The following PABPC4L variants were observed in gnomAD, a reference collection of about 807,000 sequenced individuals.
PABPC4L encodes the protein poly(A) binding protein cytoplasmic 4 like.
For synonymous variants in PABPC4L, 169 were observed against 164.1 expected (o/e 1.03, Z -0.23); for missense variants, 452 against 451.4 (o/e 1.00, Z -0.01).
the PABPC4L span, among the ~76,000 whole-genome samples, chr4:134,039,304 T>A: frequency 5.9e-5 from 9 of 152,162 alleles, no homozygotes; most frequent in African/African-American, 2.2e-4. Flanking sequence ...ATTCTATTGA[T>A]TCAGGGTGGA....
At chr4:133,949,641 C>G in the PABPC4L span, among the ~76,000 whole-genome samples, 2 of 152,152 alleles carry the variant, frequency 1.3e-5, no homozygotes, top group Non-Finnish European at 2.9e-5. Context: ...TCATTCAGCT[C>G]TTTGCACTCC....
the PABPC4L span, among the ~76,000 whole-genome samples, chr4:133,972,789 A>G: frequency 6.6e-6 from 1 of 152,206 alleles, no homozygotes; most frequent in Admixed American, 6.5e-5. Context: ...CTGCTTACCG[A>G]CATAATAAAT....
the PABPC4L span, among the ~76,000 whole-genome samples, chr4:133,993,556 A>C: frequency 6.6e-6 from 1 of 152,316 alleles, no homozygotes; most frequent in East Asian, 1.9e-4. Flanking sequence ...CATGAGTAAC[A>C]TCTGTTTGCC....
the PABPC4L span, among the ~76,000 whole-genome samples, chr4:134,143,272 T>C: frequency 4.8e-4 from 72 of 150,372 alleles, no homozygotes; most frequent in African/African-American, 1.7e-3. Flanking sequence ...ATAATAAGCA[T>C]ACTAAATATA....
At chr4:134,170,297 G>A in the PABPC4L span, among the ~76,000 whole-genome samples, 1 of 151,908 alleles carries the variant, frequency 6.6e-6, no homozygotes, top group Non-Finnish European at 1.5e-5. Context: ...CCTTTCTCCA[G>A]TCTACTATTC....
At chr4:134,160,156 C>A in the PABPC4L span, among the ~76,000 whole-genome samples, 5 of 151,880 alleles carry the variant, frequency 3.3e-5, no homozygotes, top group East Asian at 7.8e-4. Flanking sequence ...AGGTTTAGTA[C>A]CATGCTGATC....
the PABPC4L span, among the ~76,000 whole-genome samples, chr4:134,100,082 C>A: frequency 4.0e-5 from 6 of 151,594 alleles, no homozygotes; most frequent in African/African-American, 1.2e-4. Flanking sequence ...GCGGCAAACT[C>A]GCTCCTTTCC....
At chr4:134,140,677 A>C in the PABPC4L span, among the ~76,000 whole-genome samples, 403 of 151,984 alleles carry the variant, frequency 2.7e-3, 4 homozygotes, top group Middle Eastern at 0.017. Context: ...GAATATTTTC[A>C]AACCCTGATC....
the PABPC4L span, among the ~76,000 whole-genome samples, chr4:134,089,285 C>G: frequency 4.0e-5 from 6 of 151,792 alleles, no homozygotes; most frequent in African/African-American, 1.5e-4. Context: ...CAATATTGAA[C>G]AGAAGTTACA....
the PABPC4L span, among the ~76,000 whole-genome samples, chr4:134,046,393 C>T: frequency 1.3e-4 from 20 of 152,118 alleles, no homozygotes; most frequent in Non-Finnish European, 2.2e-4. Flanking sequence ...CAGCATATTT[C>T]GCCTCCAGCC....
At chr4:134,113,503 G>C in the PABPC4L span, among the ~76,000 whole-genome samples, 1 of 151,878 alleles carries the variant, frequency 6.6e-6, no homozygotes, top group Non-Finnish European at 1.5e-5. Context: ...AACAATAGCT[G>C]TATTATAGCT....
At chr4:133,958,108 C>T in the PABPC4L span, among the ~76,000 whole-genome samples, 8 of 152,288 alleles carry the variant, frequency 5.3e-5, no homozygotes, top group East Asian at 1.4e-3. Flanking sequence ...AATAAGTTTT[C>T]CTTTTCTATT....
the PABPC4L span, among the ~76,000 whole-genome samples, chr4:134,098,756 G>A: frequency 6.6e-6 from 1 of 151,598 alleles, no homozygotes; most frequent in African/African-American, 2.4e-5. Context: ...AAACTAAAGA[G>A]AAACTAGCAA....
At chr4:134,167,188 C>A in the PABPC4L span, among the ~76,000 whole-genome samples, 31,775 of 151,912 alleles carry the variant, frequency 0.21, 4,126 homozygotes, top group Non-Finnish European at 0.27. Context: ...AAGAGTGAAC[C>A]CTAATGCTAA....
At chr4:134,014,488 G>T in the PABPC4L span, among the ~76,000 whole-genome samples, 2 of 152,168 alleles carry the variant, frequency 1.3e-5, no homozygotes, top group Admixed American at 1.3e-4. Flanking sequence ...AATGCCTGCA[G>T]CCCAGGATTC....
the PABPC4L span, among the ~76,000 whole-genome samples, chr4:134,045,738 A>G: frequency 6.6e-6 from 1 of 151,954 alleles, no homozygotes; most frequent in South Asian, 2.1e-4. Context: ...GTCCTTTTGA[A>G]CCACTCCCTT....
rs1014445928 is a variant in PABPC4L, at chr4:134,201,085, C to G, written c.-66G>C. 31 of 1,551,070 alleles carry G rather than the reference C, an allele frequency of 2.0e-5. No individual in the cohort carries two copies. In the African/African-American group the frequency reaches 4.1e-4, roughly 21 times the overall value. ...TTTGAGCAATCCCTGTGGGGGGATA[C>G]TAGGTCACAGCTTTGGCCCGGTTCA... On this transcript the variant is annotated 5_prime_UTR_variant, in exon 2 of 2. Transcript: ENST00000421491.
chr4:134,048,117 C>A, the PABPC4L span, among the ~76,000 whole-genome samples: 1 of 151,864 alleles, frequency 6.6e-6, no homozygotes, highest in South Asian at 2.1e-4. Context: ...CCCTTCAAGG[C>A]ACTATTTTAA....
the PABPC4L span, among the ~76,000 whole-genome samples, chr4:134,056,756 A>G: frequency 6.6e-6 from 1 of 152,032 alleles, no homozygotes; most frequent in Non-Finnish European, 1.5e-5. Flanking sequence ...CTTGCTAAAC[A>G]TACTTGTAAG....
Sources: gnomAD v4.1 joint callset for allele counts (sites outside exome capture counted in the v4.1 genomes callset) on GRCh38, gnomAD v4.1.1 for gene constraint, MANE v1.5 for transcripts, NCBI Gene and HGNC (gene_info 2026-07-23, HGNC 2026-07-21) for gene names.